NCAPG2: variants seen among roughly 807,000 people sequenced by gnomAD.
NCAPG2 encodes the protein condensin-2 complex subunit G2.
In NCAPG2, 53 loss-of-function variants were observed where a neutral mutation model predicts 141.1. That is an observed-to-expected ratio of 0.38 (90% CI 0.30 to 0.47). NCAPG2 has a LOEUF of 0.47. Among genes scored for constraint, NCAPG2 ranks in the 20% least tolerant of loss-of-function variants. The probability of loss-of-function intolerance (pLI) is 0.99; values close to 1 mark genes in which losing one functional copy is unlikely to be tolerated. For missense variants in NCAPG2, 1,087 were observed against 1,389.0 expected, an observed-to-expected ratio of 0.78 and a Z score of 3.46; for synonymous variants, 499 against 490.7, an observed-to-expected ratio of 1.02 and a Z score of -0.22.
At chr7:158,691,630 A>T (rs957857618) in intron 4 of NCAPG2, among the ~76,000 whole-genome samples, 10 of 152,242 alleles carry the variant, frequency 6.6e-5, no homozygotes, top group African/African-American at 7.2e-5. Flanking sequence ...ATATTTTTAC[A>T]TCTTTTGTAA....
At chr7:158,673,878 C>G (rs900197579) in intron 12 of NCAPG2, among the ~76,000 whole-genome samples, 2 of 152,138 alleles carry the variant, frequency 1.3e-5, no homozygotes, top group Admixed American at 6.5e-5. Context: ...TCCAGAGGGA[C>G]AAGGGAATGG....
chr7:158,643,446 G>A (rs1323106250), intron 27 of NCAPG2, among the ~76,000 whole-genome samples: 2 of 152,168 alleles, frequency 1.3e-5, no homozygotes, highest in Non-Finnish European at 2.9e-5. Flanking sequence ...CAAACTCCTG[G>A]ATTACAGGCA....
intron 11 of NCAPG2, among the ~76,000 whole-genome samples, chr7:158,677,101 G>A (rs1006654965): frequency 1.3e-5 from 2 of 152,028 alleles, no homozygotes; most frequent in Non-Finnish European, 1.5e-5. Flanking sequence ...GGAGTTCAGG[G>A]GCAAGGATGT....
At chr7:158,670,577 C>G (rs900863452) in intron 13 of NCAPG2, among the ~76,000 whole-genome samples, 8 of 152,178 alleles carry the variant, frequency 5.3e-5, no homozygotes, top group African/African-American at 1.9e-4. Flanking sequence ...CCCTAAGCAA[C>G]TGACACTAAA....
At chr7:158,682,453 T>C (rs1335222716) in intron 9 of NCAPG2, among the ~76,000 whole-genome samples, 1 of 152,160 alleles carries the variant, frequency 6.6e-6, no homozygotes, top group Non-Finnish European at 1.5e-5. Context: ...AATCTCTGGG[T>C]TCTTTATCCT....
At chr7:158,700,293 G>A (rs1023559538) in intron 2 of NCAPG2, among the ~76,000 whole-genome samples, 1 of 152,196 alleles carries the variant, frequency 6.6e-6, no homozygotes, top group Non-Finnish European at 1.5e-5. Context: ...ATTCTCCTGA[G>A]ATGTCTGCTG....
In NCAPG2 at chr7:158,680,172, A is replaced by G. The variant is rs547972218; in HGVS notation, c.1021-87T>C. 36 of 1,334,306 alleles carry G rather than the reference A, an allele frequency of 2.7e-5. No homozygotes were observed. In the African/African-American group the frequency reaches 5.3e-4, roughly 20 times the overall value. 82.7% of individuals were successfully genotyped at this position (1,334,306 alleles called of 1,614,324 possible). A position where few individuals can be genotyped will look rare whatever the true frequency, so the allele number is the denominator to read the frequency against. On this transcript the variant is annotated intron_variant, in intron 10 of 27. Transcript: ENST00000356309. ...ACAGTGTTCCCAAAGTAACACTTTAATTATCTTGATACAGATTTATTTTCA... is the reference window on the plus strand; with the variant it reads ...ACAGTGTTCCCAAAGTAACACTTTAGTTATCTTGATACAGATTTATTTTCA...
chr7:158,686,135 T>C (rs1834740259), intron 8 of NCAPG2, 37 bp downstream of exon 8: 2 of 1,250,724 alleles, frequency 1.6e-6, no homozygotes, highest in East Asian at 2.6e-5. Flanking sequence ...TAAAATATAA[T>C]AAAAATAAGT....
chr7:158,681,155 G>A lies in NCAPG2; in HGVS notation c.925-339C>T, dbSNP rs113625095. Among the ~76,000 whole-genome samples, 1,444 of 152,296 alleles carry A rather than the reference G, an allele frequency of 9.5e-3. 17 individuals carry two copies. Among genetic ancestry groups the A allele is most frequent in the African/African-American group, 0.029 (1,199 of 41,554 alleles). On this transcript the variant is annotated intron_variant, in intron 9 of 27. Transcript: ENST00000356309. The stretch of plus-strand genomic sequence containing the variant: ...AAACCTCTGACCTTCAGGATAAAAT[G>A]GAAAAGGGGAGATTCCTGAATGGTT...
intron 2 of NCAPG2, among the ~76,000 whole-genome samples, chr7:158,699,931 T>TTATC (rs949499507): frequency 1.4e-5 from 2 of 140,832 alleles, no homozygotes; most frequent in Admixed American, 1.4e-4. Context: ...TCTGGGTTAT[T>TTATC]TATTTATTTA....
chr7:158,652,239 A>G, intron 23 of NCAPG2, 54 bp downstream of exon 23: 1 of 1,527,612 alleles, frequency 6.5e-7, no homozygotes, highest in South Asian at 1.2e-5. Flanking sequence ...GTGTAGGTGT[A>G]GCCAGCCCTG....
At chr7:158,657,749 T>G (rs1307420681) in intron 17 of NCAPG2, among the ~76,000 whole-genome samples, 1 of 152,208 alleles carries the variant, frequency 6.6e-6, no homozygotes, top group Non-Finnish European at 1.5e-5. Flanking sequence ...AATTGGATGG[T>G]TGCCGTGTCT....
intron 13 of NCAPG2, among the ~76,000 whole-genome samples, chr7:158,666,565 C>T (rs890077874): frequency 6.6e-6 from 1 of 151,210 alleles, no homozygotes; most frequent in African/African-American, 2.4e-5. Context: ...GTCTGCCACG[C>T]TGCCTTTCAT....
intron 13 of NCAPG2, among the ~76,000 whole-genome samples, chr7:158,665,795 G>A (rs1483023197): frequency 1.3e-5 from 2 of 152,136 alleles, no homozygotes; most frequent in African/African-American, 4.8e-5. Context: ...CCAAGGTCAT[G>A]ATCTCATACT....
intron 22 of NCAPG2, among the ~76,000 whole-genome samples, chr7:158,653,470 A>T (rs1203423755): frequency 6.6e-6 from 1 of 152,124 alleles, no homozygotes; most frequent in African/African-American, 2.4e-5. Flanking sequence ...TAGATCTGTT[A>T]AACAAATGAT....
chr7:158,684,804 C>T (rs888508868), intron 8 of NCAPG2, among the ~76,000 whole-genome samples: 5 of 152,224 alleles, frequency 3.3e-5, no homozygotes, highest in Non-Finnish European at 7.3e-5. Flanking sequence ...CCACCCTCCT[C>T]GGCCTCCCAA....
chr7:158,648,198 G>C (rs1264422801), intron 24 of NCAPG2, among the ~76,000 whole-genome samples: 3 of 152,012 alleles, frequency 2.0e-5, no homozygotes, highest in Non-Finnish European at 4.4e-5. Flanking sequence ...CAGCATAAGG[G>C]ATAGGAGAAC....
chr7:158,682,298 A>T (rs1389532948), intron 9 of NCAPG2, among the ~76,000 whole-genome samples: 1 of 151,552 alleles, frequency 6.6e-6, no homozygotes, highest in Non-Finnish European at 1.5e-5. Context: ...TGTGAAATAA[A>T]TAACCCAAAC....
chr7:158,672,739 C>G (rs1217490969), intron 12 of NCAPG2, among the ~76,000 whole-genome samples: 2 of 152,166 alleles, frequency 1.3e-5, no homozygotes, highest in East Asian at 1.9e-4. Context: ...ATCATCTGCT[C>G]CACCTGTGTC....
Sources: allele counts gnomAD v4.1 joint callset (sites outside exome capture counted in the v4.1 genomes callset), GRCh38; gene constraint gnomAD v4.1.1; transcripts MANE v1.5; gene names NCBI Gene and HGNC (gene_info 2026-07-23, HGNC 2026-07-21).